The following ANKHD1 variants were observed in gnomAD, a reference collection of about 807,000 sequenced individuals.
ANKHD1 encodes the protein ankyrin repeat and KH domain-containing protein 1.
Under a neutral mutation model 230.5 loss-of-function variants are expected in ANKHD1, and 31 were observed. The ratio of observed to expected loss-of-function variants is 0.13; its 90% CI spans 0.10 to 0.18. The LOEUF (loss-of-function observed/expected upper bound fraction) is 0.18, where lower values mean the gene tolerates loss of function less well. Among genes scored for constraint, ANKHD1 ranks in the 10% least tolerant of loss-of-function variants. The pLI is 1.00. For missense variants in ANKHD1, 2,256 were observed against 3,071.3 expected (o/e 0.73, Z 6.27); for synonymous variants, 1,074 against 1,117.6 (o/e 0.96, Z 0.78).
intron 7 of ANKHD1, 68 bp from the exon 8 acceptor site, chr5:140,458,557 C>T (rs1192595447): frequency 4.0e-6 from 6 of 1,509,516 alleles, no homozygotes; most frequent in Non-Finnish European, 4.5e-6. Flanking sequence ...GCTTTCTTCT[C>T]TCCCACTTAA....
intron 15 of ANKHD1, among the ~76,000 whole-genome samples, chr5:140,502,865 T>C (rs1411483198): frequency 6.6e-6 from 1 of 152,174 alleles, no homozygotes; most frequent in Non-Finnish European, 1.5e-5. Context: ...GAAACAAACA[T>C]ATGTAATAAT....
At position 140,528,384 on chromosome 5, in the gene ANKHD1, C is replaced by T; in HGVS notation, c.5438C>T (p.Thr1813Ile). 1 of 1,614,130 alleles carries T rather than the reference C, an allele frequency of 6.2e-7. No individual in the cohort carries two copies. The highest frequency in any genetic ancestry group is 1.1e-5 in the South Asian group (1 of 91,078). Residue 1813 changes from threonine (T) to isoleucine (I), a missense_variant, in exon 29 of 34, where the codon ACT becomes ATT. Coordinates refer to ENST00000360839, the MANE Select transcript of ANKHD1 (RefSeq NM_017747.3). ...AATGCATTTCCTTTGGGTGCTCCAA[C>T]TCTTGTAACTTCACAGGCAACAACG... The part of the protein sequence containing the change: ...SKNAFPLGAP[T>I]LVTSQATTLS...
Position 140,402,142 on chromosome 5 carries a change from A to AGCGGCGGCGGCG in ANKHD1, c.178_189dup (p.Gly60_Gly63dup), listed in dbSNP as rs751122692. 6.5e-7 allele frequency: 1 copy of AGCGGCGGCGGCG among 1,543,972 alleles called. No individual in the cohort carries two copies. Among genetic ancestry groups the AGCGGCGGCGGCG allele is most frequent in the Non-Finnish European group, 8.7e-7 (1 of 1,149,728 alleles). On this transcript the variant is annotated inframe_insertion, in exon 1 of 34. Coordinates refer to ENST00000360839, the MANE Select transcript of ANKHD1 (RefSeq NM_017747.3). The stretch of plus-strand genomic sequence containing the variant: ...CGGGCCAGCGTCGGGAGTCGGCAGC[A>AGCGGCGGCGGCG]GCGGCGGCGGCGGCAGCGGCAGCGG...
chr5:140,440,519 T>A (rs1773778449), intron 4 of ANKHD1, among the ~76,000 whole-genome samples: 1 of 152,174 alleles, frequency 6.6e-6, no homozygotes, highest in Non-Finnish European at 1.5e-5. Context: ...AACAAATAGA[T>A]ATAATAATAA....
chr5:140,429,090 ATTT>A (rs373838876), intron 1 of ANKHD1, among the ~76,000 whole-genome samples: 2 of 109,536 alleles, frequency 1.8e-5, no homozygotes, highest in Admixed American at 9.5e-5. Flanking sequence ...CCGGCCTAGA[ATTT>A]TTTTTTTTTT....
In ANKHD1 at chr5:140,455,516, A is replaced by G. The variant is rs565137494; in HGVS notation, c.1243-3109A>G. The stretch of plus-strand genomic sequence containing the variant: ...CAGCACATCAAAAAGCTTATCCACC[A>G]TGATCAAGTGGGCTTCATCCCTGGG... On this transcript the variant is annotated intron_variant, in intron 7 of 33. Transcript: ENST00000360839. 3.7e-3 allele frequency among the ~76,000 whole-genome samples: 566 copies of G among 152,326 alleles called. 2 individuals are homozygous for G. The highest frequency in any genetic ancestry group is 6.9e-3 in the Non-Finnish European group (471 of 68,012).
In ANKHD1 at chr5:140,538,111, T is replaced by C. The variant is rs1741387623; in HGVS notation, c.7254T>C (p.Ser2418=). The change falls in exon 32 of 34, where the codon TCT becomes TCC. Residue 2418 remains serine (S), a synonymous_variant. Transcript: ENST00000360839. ...AAGGCTTATCAGGTTGGTCGCAATC[T>C]GTGATGGGGAACCATCCAATGCATC... ...VSEGLSGWSQ[S]VMGNHPMHQQ... 1.2e-6 allele frequency: 2 copies of C among 1,612,858 alleles called. No individual in the cohort carries two copies. Among genetic ancestry groups the C allele is most frequent in the African/African-American group, 2.7e-5 (2 of 74,898 alleles).
intron 3 of ANKHD1, 104 bp from the exon 4 acceptor site, chr5:140,440,015 G>T: frequency 3.8e-6 from 5 of 1,316,712 alleles, no homozygotes; most frequent in Non-Finnish European, 3.9e-6. Context: ...TTCTTTTACT[G>T]CATTAACATT....
chr5:140,537,291 T>A, intron 30 of ANKHD1, 98 bp from the exon 31 acceptor site: 1 of 1,486,412 alleles, frequency 6.7e-7, no homozygotes, highest in Non-Finnish European at 8.9e-7. Context: ...CATATTCTTA[T>A]AGTTTTTTAT....
rs763295159 is a variant in ANKHD1, at chr5:140,485,554, A to G, written c.1999-35A>G. The stretch of plus-strand genomic sequence containing the variant: ...ATTTTATATGAGCTGCTAAGAAACT[A>G]TAAAGAATTAATTATCATGGCAATT... On this transcript the variant is annotated intron_variant, in intron 12 of 33. Transcript: ENST00000360839. The surrounding 1 kb of genome is among the most constrained non-coding windows in gnomAD (Gnocchi z 4.8). 2.5e-6 allele frequency: 4 copies of G among 1,610,510 alleles called. No individual in the cohort carries two copies. The highest frequency in any genetic ancestry group is 3.4e-6 in the Non-Finnish European group (4 of 1,178,562).
intron 29 of ANKHD1, 106 bp downstream of exon 29, chr5:140,529,902 A>C: frequency 2.1e-6 from 3 of 1,456,552 alleles, no homozygotes; most frequent in Non-Finnish European, 2.7e-6. Flanking sequence ...ACATATAATG[A>C]GCTGCTTTAG....
chr5:140,528,885 C>G lies in ANKHD1; in HGVS notation c.5939C>G (p.Thr1980Arg). 1 of 1,614,178 alleles carries G rather than the reference C, an allele frequency of 6.2e-7. No homozygotes were observed. Among genetic ancestry groups the G allele is most frequent in the Non-Finnish European group, 8.5e-7 (1 of 1,180,044 alleles). Reference sequence around the variant, plus strand: ...CCAGCAACAGTGATTTCTTCTGTGACAAGCACTTGTAGTTCCCTGCCTTCT... The same window carrying G: ...CCAGCAACAGTGATTTCTTCTGTGAGAAGCACTTGTAGTTCCCTGCCTTCT... ...SPPATVISSV[T>R]STCSSLPSVS... The change falls in exon 29 of 34, where the codon ACA (threonine) becomes AGA (arginine). Residue 1980 changes from threonine to arginine, a missense_variant. Physicochemically the swap from Thr to Arg is moderately conservative, Grantham distance 71. Coordinates refer to ENST00000360839, the MANE Select transcript of ANKHD1 (RefSeq NM_017747.3).
chr5:140,449,767 C>T (rs1324919723), intron 7 of ANKHD1, among the ~76,000 whole-genome samples: 1 of 143,302 alleles, frequency 7.0e-6, no homozygotes, highest in African/African-American at 2.6e-5. Flanking sequence ...TGGAATAGAA[C>T]AGTCAAAGTA....
intron 1 of ANKHD1, among the ~76,000 whole-genome samples, chr5:140,430,126 T>C (rs1772921505): frequency 6.6e-6 from 1 of 152,198 alleles, no homozygotes; most frequent in Non-Finnish European, 1.5e-5. Flanking sequence ...TTTTGTTTTT[T>C]GTTTTTAAGG....
chr5:140,512,734 C>T, intron 22 of ANKHD1, 94 bp from the exon 23 acceptor site: 2 of 1,187,818 alleles, frequency 1.7e-6, no homozygotes, highest in South Asian at 1.6e-5. Flanking sequence ...CAAGGGATTC[C>T]TTTGTAATTC....
At chr5:140,468,199 C>A (rs143060725) in intron 10 of ANKHD1, among the ~76,000 whole-genome samples, 1 of 144,718 alleles carries the variant, frequency 6.9e-6, no homozygotes, top group African/African-American at 2.6e-5. Context: ...CTTAGCCTCC[C>A]GAGTAGCTAG....
At chr5:140,402,625 C>T (rs773015562) in intron 1 of ANKHD1, among the ~76,000 whole-genome samples, 5 of 152,152 alleles carry the variant, frequency 3.3e-5, no homozygotes, top group Non-Finnish European at 5.9e-5. Flanking sequence ...CTGAGAGAGA[C>T]AAACAGAGAC....
intron 5 of ANKHD1, among the ~76,000 whole-genome samples, chr5:140,441,382 T>C (rs1208752768): frequency 6.6e-6 from 1 of 152,204 alleles, no homozygotes; most frequent in Non-Finnish European, 1.5e-5. Context: ...GGAATATTAT[T>C]CAGACTTAAA....
chr5:140,529,481 C>T lies in ANKHD1; in HGVS notation c.6535C>T (p.Leu2179Phe), dbSNP rs143620577. The T allele has an allele frequency of 5.1e-5, 82 of 1,614,230 alleles. No individual in the cohort carries two copies. In the African/African-American group the frequency reaches 9.1e-4, roughly 18 times the overall value. ...TCAAGGCCCACCAGCTGCAGTGCAGCTTTCTTCAGCTGTGAACATTATGAA... is the reference window on the plus strand; with the variant it reads ...TCAAGGCCCACCAGCTGCAGTGCAGTTTTCTTCAGCTGTGAACATTATGAA... The part of the protein sequence containing the change: ...PPQGPPAAVQ[L>F]SSAVNIMNGS... Residue 2179 changes from leucine (L) to phenylalanine (F), a missense_variant, in exon 29 of 34, where the codon CTT (leucine) becomes TTT (phenylalanine). Leu to Phe is a conservative substitution (Grantham distance 22). Around this residue, in one of 13 missense-constraint regions of ANKHD1, gnomAD observed 778 missense variants for 966.5 expected, o/e 0.80. Coordinates refer to ENST00000360839, the MANE Select transcript of ANKHD1 (RefSeq NM_017747.3).
Sources: gnomAD v4.1 joint callset for allele counts (sites outside exome capture counted in the v4.1 genomes callset) on GRCh38, gnomAD v4.1.1 for gene constraint, gnomAD v4.1.1 regional missense constraint, Gnocchi (gnomAD v3.1) non-coding constraint, MANE v1.5 for transcripts, NCBI Gene and HGNC (gene_info 2026-07-23, HGNC 2026-07-21) for gene names.